CCDC88C: variants seen among roughly 807,000 people sequenced by gnomAD.
The protein encoded by CCDC88C is coiled-coil and HOOK domain protein 88C.
A neutral mutation model predicts 198.8 loss-of-function variants in CCDC88C; 131 were observed. The observed-to-expected ratio is 0.66, with a 90% CI of 0.57 to 0.76. CCDC88C has a LOEUF of 0.76. Ranked by LOEUF, CCDC88C falls within the 30% of genes least tolerant of loss-of-function variation. CCDC88C has a pLI of 0.00. For missense variants in CCDC88C, 2,553 were observed against 2,631.6 expected, an observed-to-expected ratio of 0.97 and a Z score of 0.65; for synonymous variants, 1,166 against 1,114.7, an observed-to-expected ratio of 1.05 and a Z score of -0.92.
At chr14:91,321,855 G>A (rs1892370499) in intron 12 of CCDC88C, among the ~76,000 whole-genome samples, 1 of 134,936 alleles carries the variant, frequency 7.4e-6, no homozygotes, top group African/African-American at 2.8e-5. Context: ...GAAGAAAACT[G>A]TGATAGTGTA....
At chr14:91,295,425 C>T (rs74086366) in intron 22 of CCDC88C, among the ~76,000 whole-genome samples, 1,664 of 152,358 alleles carry the variant, frequency 0.011, 37 homozygotes, top group African/African-American at 0.038. Context: ...ACGTCACAAA[C>T]GTGGCAAGTC....
Position 91,339,597 on chromosome 14 carries a change from G to A in CCDC88C, c.625-135C>T, listed in dbSNP as rs1567086132. 1.4e-5 allele frequency: 13 copies of A among 929,192 alleles called. No homozygotes were observed. Among genetic ancestry groups the A allele is most frequent in the South Asian group, 3.5e-5 (2 of 56,976 alleles). The allele number at this position is 929,192 out of a possible 1,614,324, so 57.6% of individuals were successfully genotyped here. Reference sequence around the variant, plus strand: ...GACTAAGAAACGAGGAGGAAGGTGGGAAAAGGCTGGCATGGGTTTTGAAAA... The same window carrying A: ...GACTAAGAAACGAGGAGGAAGGTGGAAAAAGGCTGGCATGGGTTTTGAAAA... On this transcript the variant is annotated intron_variant, in intron 7 of 29. Transcript: ENST00000389857. This position sits in a 1 kb window ranked among gnomAD's most constrained non-coding sequence, Gnocchi z 5.8.
Position 91,297,451 on chromosome 14 carries a change from C to T in CCDC88C, c.3820G>A (p.Glu1274Lys). Residue 1274 changes from glutamate (E) to lysine (K), a missense_variant, in exon 22 of 30, where the codon GAG becomes AAG. By Grantham distance (56) the Glu-to-Lys change is moderately conservative (BLOSUM62 1). Coordinates refer to ENST00000389857, the MANE Select transcript of CCDC88C (RefSeq NM_001080414.4). ...AGCTCCTTGGTGTGGGCGTGCAGCT[C>T]CTCGTACTCCCCCTTCAGCTGGTGG... ...LHHQLKGEYEELHAHTKELKT... is the reference protein window; with the variant it reads ...LHHQLKGEYEKLHAHTKELKT... The T allele has an allele frequency of 4.4e-6, 7 of 1,579,400 alleles. No homozygotes were observed. Among genetic ancestry groups the T allele is most frequent in the Non-Finnish European group, 6.0e-6 (7 of 1,162,444 alleles).
intron 13 of CCDC88C, among the ~76,000 whole-genome samples, chr14:91,319,501 C>T (rs778412829): frequency 4.6e-5 from 7 of 152,208 alleles, no homozygotes; most frequent in Non-Finnish European, 1.0e-4. Flanking sequence ...TAAGGTGTTC[C>T]GTCAGTGGCC....
At chr14:91,357,981 G>A (rs1397971022) in intron 4 of CCDC88C, among the ~76,000 whole-genome samples, 1 of 152,208 alleles carries the variant, frequency 6.6e-6, no homozygotes, top group Non-Finnish European at 1.5e-5. Context: ...GGCCTCTGCA[G>A]GGTCTCCATG....
In CCDC88C at chr14:91,339,321, G is replaced by A. The variant is rs183742506; in HGVS notation, c.766C>T (p.Leu256=). 5,665 of 1,613,598 alleles carry A rather than the reference G, an allele frequency of 3.5e-3. 14 individuals carry two copies. Among genetic ancestry groups the A allele is most frequent in the Non-Finnish European group, 4.3e-3 (5,126 of 1,179,878 alleles). ...SEDKQHLAVE[L]ADTKARLRRV... is the part of the protein sequence containing the mutation. ...CGCAGCCTGGCCTTGGTGTCGGCCA[G>A]CTCTACGGCCAGGTGCTGCTTGTCT... Residue 256 remains leucine, a synonymous_variant, in exon 8 of 30, where the codon CTG becomes TTG. Transcript: ENST00000389857. This position sits in a 1 kb window ranked among gnomAD's most constrained non-coding sequence, Gnocchi z 5.8.
chr14:91,326,401 C>T (rs931249727), intron 10 of CCDC88C, among the ~76,000 whole-genome samples: 4 of 152,060 alleles, frequency 2.6e-5, no homozygotes, highest in African/African-American at 7.2e-5. Context: ...TTAGTAGAGA[C>T]GAGGTTTCAT....
rs187322730 is a variant in CCDC88C, at chr14:91,378,375, C to T, written c.271-18664G>A. Among the ~76,000 whole-genome samples the T allele has an allele frequency of 4.1e-4, 63 of 152,284 alleles. 2 individuals carry two copies. The Middle Eastern group carries it at 0.01, about 25-fold the overall frequency. ...GCCTCAGCTAAACCAGCTTGGGGCC[C>T]GGGGAGCGCTGGGCCTGACATGCAG... On this transcript the variant is annotated intron_variant, in intron 3 of 29. Coordinates refer to ENST00000389857, the MANE Select transcript of CCDC88C (RefSeq NM_001080414.4).
At chr14:91,293,104 GCCCA>G (rs1890741509) in intron 23 of CCDC88C, among the ~76,000 whole-genome samples, 1 of 138,182 alleles carries the variant, frequency 7.2e-6, no homozygotes, top group South Asian at 2.5e-4. Context: ...ACCTGCCACG[GCCCA>G]CCTTCCCGTC....
chr14:91,385,099 G>A (rs1451174536), intron 3 of CCDC88C, among the ~76,000 whole-genome samples: 1 of 152,170 alleles, frequency 6.6e-6, no homozygotes, highest in Non-Finnish European at 1.5e-5. Context: ...AGGTCCACCA[G>A]GACACAGCAC....
intron 18 of CCDC88C, among the ~76,000 whole-genome samples, chr14:91,306,804 T>C (rs1217684071): frequency 1.3e-5 from 2 of 152,174 alleles, no homozygotes; most frequent in Non-Finnish European, 2.9e-5. Flanking sequence ...GACACAACAC[T>C]ACAGGAAGAG....
rs532167391 is a variant in CCDC88C at position 91,325,228 on chromosome 14, G to A, written c.1198-305C>T. 6.6e-6 allele frequency among the ~76,000 whole-genome samples: 1 copy of A among 152,282 alleles called. No individual in the cohort carries two copies. Among genetic ancestry groups the A allele is most frequent in the East Asian group, 1.9e-4 (1 of 5,184 alleles). ...GGCTTTAAAGCAAGTGTGCAGTGAT[G>A]GGCAGCTCTGTGGCTCTAGCGAAGC... On this transcript the variant is annotated intron_variant, in intron 11 of 29. Coordinates refer to ENST00000389857, the MANE Select transcript of CCDC88C (RefSeq NM_001080414.4). This position sits in a 1 kb window ranked among gnomAD's most constrained non-coding sequence, Gnocchi z 4.1.
chr14:91,300,080 G>T lies in CCDC88C; in HGVS notation c.3636-10C>A. The T allele has an allele frequency of 6.2e-7, 1 of 1,605,440 alleles. No individual in the cohort carries two copies. ...CAGCATGTCACCGTGCCTGTTGGAG[G>T]GAAGCACCTGCCGTGAGTCTGGCCA... is the stretch of plus-strand genomic sequence containing the variant. On this transcript the variant is annotated splice_polypyrimidine_tract_variant and intron_variant, in intron 20 of 29. Coordinates refer to ENST00000389857, the MANE Select transcript of CCDC88C (RefSeq NM_001080414.4).
At chr14:91,282,354 A>C (rs1328148023) in intron 26 of CCDC88C, among the ~76,000 whole-genome samples, 1 of 152,116 alleles carries the variant, frequency 6.6e-6, no homozygotes, top group Non-Finnish European at 1.5e-5. Flanking sequence ...AAAGGCAATC[A>C]CTTTCAACTC....
At chr14:91,360,375 G>T (rs1894256600) in intron 3 of CCDC88C, among the ~76,000 whole-genome samples, 1 of 152,044 alleles carries the variant, frequency 6.6e-6, no homozygotes, top group Admixed American at 6.6e-5. Context: ...TTGAACCTGG[G>T]TGGTCGAAGA....
intron 13 of CCDC88C, among the ~76,000 whole-genome samples, chr14:91,319,477 C>T (rs1892252722): frequency 6.6e-6 from 1 of 152,222 alleles, no homozygotes; most frequent in Non-Finnish European, 1.5e-5. Flanking sequence ...GCTTGTTTTA[C>T]CACAGCAAGA....
In CCDC88C at chr14:91,297,292, G is replaced by A; in HGVS notation, c.3966+13C>T. On this transcript the variant is annotated intron_variant, in intron 22 of 29. Transcript: ENST00000389857. The stretch of plus-strand genomic sequence containing the variant: ...ATCCCTGTCTCCCGAGGCTCCCCTG[G>A]CGCTGGCCTCACCTCACAGTGGTTG... 1 of 1,610,320 alleles carries A rather than the reference G, an allele frequency of 6.2e-7. No homozygotes were observed. Among genetic ancestry groups the A allele is most frequent in the Non-Finnish European group, 8.5e-7 (1 of 1,178,272 alleles).
intron 17 of CCDC88C, among the ~76,000 whole-genome samples, chr14:91,307,879 GTGTA>G (rs1567065131): frequency 6.6e-6 from 1 of 151,954 alleles, no homozygotes; most frequent in Non-Finnish European, 1.5e-5. Context: ...TGTGGAGAGT[GTGTA>G]TGTGTGGAGA....
intron 3 of CCDC88C, among the ~76,000 whole-genome samples, chr14:91,368,344 A>G (rs561679323): frequency 6.6e-6 from 1 of 152,352 alleles, no homozygotes; most frequent in Non-Finnish European, 1.5e-5. Context: ...AGGGAAAAAA[A>G]GCTTCGAATT....
Sources: gnomAD v4.1 joint callset for allele counts (sites outside exome capture counted in the v4.1 genomes callset) on GRCh38, gnomAD v4.1.1 for gene constraint, Gnocchi (gnomAD v3.1) non-coding constraint, MANE v1.5 for transcripts, NCBI Gene and HGNC (gene_info 2026-07-23, HGNC 2026-07-21) for gene names.